ST7L: variants seen among roughly 807,000 people sequenced by gnomAD.
ST7L encodes suppression of tumorigenicity 7 like, also known as suppressor of tumorigenicity 7 protein-like.
A neutral mutation model predicts 72.5 loss-of-function variants in ST7L; 57 were observed. The ratio of observed to expected loss-of-function variants is 0.79; its 90% CI spans 0.64 to 0.98. The LOEUF (loss-of-function observed/expected upper bound fraction) is 0.98, where lower values mean the gene tolerates loss of function less well. Ranked by LOEUF, ST7L falls within the 50% of genes least tolerant of loss-of-function variation. The probability of loss-of-function intolerance (pLI) is 0.00; values close to 1 mark genes in which losing one functional copy is unlikely to be tolerated. For missense variants in ST7L, 576 were observed against 672.2 expected (o/e 0.86, Z 1.58); for synonymous variants, 221 against 240.9 (o/e 0.92, Z 0.77).
chr1:112,592,874 T>C (rs927545243), intron 5 of ST7L, among the ~76,000 whole-genome samples: 3 of 152,154 alleles, frequency 2.0e-5, no homozygotes, highest in African/African-American at 7.2e-5. Context: ...ATTTCCTTTC[T>C]AGAAGTAGAA....
At chr1:112,537,051 A>AAC (rs1655329850) in intron 14 of ST7L, among the ~76,000 whole-genome samples, 1 of 151,608 alleles carries the variant, frequency 6.6e-6, no homozygotes, top group Non-Finnish European at 1.5e-5. Flanking sequence ...GCTGGAGTGC[A>AAC]GCGACGCGAT....
intron 14 of ST7L, chr1:112,540,793 T>C: frequency 7.8e-7 from 1 of 1,284,430 alleles, no homozygotes; most frequent in African/African-American, 1.5e-5. Flanking sequence ...TAAGGACTAG[T>C]TTTTCCATGG....
chr1:112,584,373 T>A (rs1262540554), intron 6 of ST7L, among the ~76,000 whole-genome samples: 1 of 151,996 alleles, frequency 6.6e-6, no homozygotes, highest in East Asian at 1.9e-4. Flanking sequence ...AAAAACAAAA[T>A]TTTTAAACTT....
chr1:112,551,259 CT>C (rs560644033), intron 12 of ST7L, among the ~76,000 whole-genome samples: 104 of 150,486 alleles, frequency 6.9e-4, no homozygotes, highest in African/African-American at 2.5e-3. Context: ...CGCCATTCTC[CT>C]GCCTCAGCCT....
At chr1:112,519,069 T>A (rs984064166), downstream of ST7L, among the ~76,000 whole-genome samples, 3 of 151,948 alleles carry the variant, frequency 2.0e-5, no homozygotes, top group Admixed American at 1.3e-4. Context: ...GTAGAAGGGG[T>A]TTTTGGTGCC....
chr1:112,569,402 G>T (rs1338941639), intron 11 of ST7L, among the ~76,000 whole-genome samples: 1 of 152,194 alleles, frequency 6.6e-6, no homozygotes, highest in African/African-American at 2.4e-5. Context: ...ACTGACATAT[G>T]CTACATTATG....
chr1:112,546,366 T>C (rs1657078431), intron 13 of ST7L, among the ~76,000 whole-genome samples: 1 of 150,728 alleles, frequency 6.6e-6, no homozygotes, highest in African/African-American at 2.4e-5. Context: ...GATTGAGATA[T>C]TATTCATTCT....
At chr1:112,585,513 C>T (rs532940330) in intron 6 of ST7L, among the ~76,000 whole-genome samples, 29 of 152,182 alleles carry the variant, frequency 1.9e-4, no homozygotes, top group Non-Finnish European at 3.8e-4. Flanking sequence ...GAGGCCGAGG[C>T]GGGCGGATCA....
intron 3 of ST7L, among the ~76,000 whole-genome samples, chr1:112,609,464 G>A (rs1481859375): frequency 1.3e-5 from 2 of 151,238 alleles, no homozygotes; most frequent in Non-Finnish European, 2.9e-5. Context: ...CCAGGAGGCA[G>A]AGGTCGCAGT....
intron 3 of ST7L, among the ~76,000 whole-genome samples, chr1:112,602,879 G>A (rs150588241): frequency 1.3e-3 from 192 of 151,742 alleles, no homozygotes; most frequent in African/African-American, 4.3e-3. Context: ...CACCACGCCC[G>A]GCTAATTTTT....
chr1:112,608,989 T>C (rs1473935705), intron 3 of ST7L, among the ~76,000 whole-genome samples: 1 of 152,186 alleles, frequency 6.6e-6, no homozygotes, highest in Non-Finnish European at 1.5e-5. Context: ...GTATTATTAC[T>C]ATATGGTTAT....
chr1:112,551,617 AAC>A (rs1658203011), intron 12 of ST7L, among the ~76,000 whole-genome samples: 1 of 93,746 alleles, frequency 1.1e-5, no homozygotes, highest in Non-Finnish European at 2.7e-5. Flanking sequence ...CTGTGAAAAA[AAC>A]TGTATGGCCC....
chr1:112,587,712 C>T (rs1187498665), intron 6 of ST7L, among the ~76,000 whole-genome samples: 1 of 152,204 alleles, frequency 6.6e-6, no homozygotes, highest in Non-Finnish European at 1.5e-5. Flanking sequence ...AATTTAACTA[C>T]TGTAGCTTTG....
chr1:112,595,145 T>C (rs1666263254), intron 5 of ST7L, among the ~76,000 whole-genome samples: 1 of 151,894 alleles, frequency 6.6e-6, no homozygotes, highest in Admixed American at 6.6e-5. Context: ...GGGGGGCGGA[T>C]CACCTGAGGT....
chr1:112,538,289 G>A (rs966634464), intron 14 of ST7L, among the ~76,000 whole-genome samples: 22 of 152,170 alleles, frequency 1.4e-4, no homozygotes, highest in African/African-American at 5.1e-4. Flanking sequence ...CCTAGAACCT[G>A]AAACATTTCT....
chr1:112,562,167 T>G (rs1660281475), intron 11 of ST7L, among the ~76,000 whole-genome samples: 1 of 151,894 alleles, frequency 6.6e-6, no homozygotes, highest in Non-Finnish European at 1.5e-5. Flanking sequence ...AGGGTTTCAC[T>G]GTGTTGCCCA....
Position 112,610,603 on chromosome 1 carries a change from G to C in ST7L, c.451+238C>G, listed in dbSNP as rs766770594. On this transcript the variant is annotated intron_variant, in intron 3 of 14. Transcript: ENST00000358039. ...CGTGGTGTCCTCCCACGGTAGAAGT[G>C]GCAAGCAGCTCTCTGGGGTCTCTCA... 7 of 414,818 alleles carry C rather than the reference G, an allele frequency of 1.7e-5. No individual in the cohort carries two copies. The East Asian group carries it at 2.7e-4, about 16-fold the overall frequency. 25.7% of individuals were successfully genotyped at this position (414,818 alleles called of 1,614,324 possible).
At chr1:112,592,199 A>C (rs201983601) in intron 5 of ST7L, among the ~76,000 whole-genome samples, 1 of 152,156 alleles carries the variant, frequency 6.6e-6, no homozygotes, top group East Asian at 1.9e-4. Context: ...TAATTTTGCT[A>C]CCAATTTACT....
In ST7L at chr1:112,544,826, T is replaced by C. The variant is rs138422750; in HGVS notation, c.1490-2736A>G. Among the ~76,000 whole-genome samples, 413 of 152,342 alleles carry C rather than the reference T, an allele frequency of 2.7e-3. 1 individual carries two copies. The highest frequency in any genetic ancestry group is 9.4e-3 in the African/African-American group (391 of 41,582). On this transcript the variant is annotated intron_variant, in intron 13 of 14. Transcript: ENST00000358039. ...TTTTATACTGTAAGAGAGACCTAAT[T>C]ATTTCTTCCTGGATTGCTTTCTGTA...
Sources: allele counts gnomAD v4.1 joint callset (sites outside exome capture counted in the v4.1 genomes callset), GRCh38; gene constraint gnomAD v4.1.1; transcripts MANE v1.5; gene names NCBI Gene and HGNC (gene_info 2026-07-23, HGNC 2026-07-21).